The following WNT9B variants were observed in gnomAD, a reference collection of about 807,000 sequenced individuals.
WNT9B encodes Wnt family member 9B.
Under a neutral mutation model 30.2 loss-of-function variants are expected in WNT9B, and 12 were observed. That is an observed-to-expected ratio of 0.40 (90% CI 0.26 to 0.64). The LOEUF (loss-of-function observed/expected upper bound fraction) is 0.64, where lower values mean the gene tolerates loss of function less well. WNT9B is among the 30% of genes least tolerant of loss of function. The pLI is 0.42. For synonymous variants in WNT9B, 218 were observed against 216.9 expected (o/e 1.01, Z -0.05); for missense variants, 442 against 485.2 (o/e 0.91, Z 0.84).
At chr17:46,839,968 C>T (rs538125674) in intron 1 of WNT9B, among the ~76,000 whole-genome samples, 31 of 136,864 alleles carry the variant, frequency 2.3e-4, no homozygotes, top group South Asian at 4.6e-4. Context: ...TTCTTTCTTT[C>T]TTTCTTTCTC....
chr17:46,846,250 T>A (rs1000605524), intron 1 of WNT9B, among the ~76,000 whole-genome samples: 3 of 152,166 alleles, frequency 2.0e-5, no homozygotes, highest in Non-Finnish European at 4.4e-5. Flanking sequence ...AGAGGCAGGG[T>A]TTGTAGCCAT....
At chr17:46,849,849 C>A (rs1430224382), upstream of WNT9B, among the ~76,000 whole-genome samples, 2 of 145,750 alleles carry the variant, frequency 1.4e-5, no homozygotes, top group Non-Finnish European at 3.0e-5. Flanking sequence ...CATTTAATAT[C>A]TTTTTTTTTT....
exon 5 of WNT9B, chr17:46,886,286 C>A (rs1023360713): frequency 3.9e-5 from 6 of 152,194 alleles, no homozygotes; most frequent in African/African-American, 9.7e-5. Flanking sequence ...AGGCATAAAC[C>A]TATATCAATT....
intron 1 of WNT9B, among the ~76,000 whole-genome samples, chr17:46,858,340 G>A (rs1327792489): frequency 6.6e-6 from 1 of 152,132 alleles, no homozygotes; most frequent in Admixed American, 6.6e-5. Flanking sequence ...AAGAACAGAT[G>A]TTTTTAATTT....
chr17:46,836,773 G>A (rs749845576), intron 1 of WNT9B, among the ~76,000 whole-genome samples: 1 of 152,122 alleles, frequency 6.6e-6, no homozygotes, highest in Non-Finnish European at 1.5e-5. Flanking sequence ...AAGCCACCAG[G>A]TGACCTGTGT....
chr17:46,862,823 A>G (rs1454934990), intron 1 of WNT9B, among the ~76,000 whole-genome samples: 1 of 152,148 alleles, frequency 6.6e-6, no homozygotes, highest in Non-Finnish European at 1.5e-5. Flanking sequence ...ATCTCAAGTG[A>G]TCCGCCCGCC....
At chr17:46,846,842 G>T (rs2084781153), upstream of WNT9B, among the ~76,000 whole-genome samples, 1 of 152,222 alleles carries the variant, frequency 6.6e-6, no homozygotes, top group African/African-American at 2.4e-5. Context: ...GTGCCATGGG[G>T]AGTGGTGAGC....
At position 46,876,676 on chromosome 17, in the gene WNT9B, G is replaced by A. The variant is rs1297729463; in HGVS notation, c.1032G>A (p.Gln344=). 2 of 1,588,334 alleles carry A rather than the reference G, an allele frequency of 1.3e-6. No homozygotes were observed. Among genetic ancestry groups the A allele is most frequent in the Non-Finnish European group, 1.7e-6 (2 of 1,164,252 alleles). The part of the protein sequence containing the change: ...QVQWCCYVEC[Q]QCVQEELVYT... Reference sequence around the variant, plus strand: ...AGTGGTGCTGCTACGTGGAGTGCCAGCAATGTGTGCAGGAGGAGCTTGTGT... The same window carrying A: ...AGTGGTGCTGCTACGTGGAGTGCCAACAATGTGTGCAGGAGGAGCTTGTGT... The change falls in exon 4 of 4, where the codon CAG becomes CAA. Residue 344 remains glutamine (Q), a synonymous_variant. Transcript: ENST00000290015.
chr17:46,851,345 G>A (rs1028277302), upstream of WNT9B, among the ~76,000 whole-genome samples: 1 of 151,666 alleles, frequency 6.6e-6, no homozygotes, highest in Non-Finnish European at 1.5e-5. This position sits in a 1 kb window ranked among gnomAD's most constrained non-coding sequence, Gnocchi z 4.3. Flanking sequence ...CCGCGACCCC[G>A]GGCGGGCGCG....
At chr17:46,835,401 C>T (rs1312010247) in intron 1 of WNT9B, among the ~76,000 whole-genome samples, 3 of 152,034 alleles carry the variant, frequency 2.0e-5, no homozygotes, top group Non-Finnish European at 4.4e-5. Context: ...TTATTAGAGA[C>T]AGGGTTTCAC....
intron 1 of WNT9B, among the ~76,000 whole-genome samples, chr17:46,860,823 G>A (rs1240049674): frequency 2.0e-5 from 3 of 152,150 alleles, no homozygotes; most frequent in South Asian, 2.1e-4. Flanking sequence ...CAGGAGGTAG[G>A]TGCTGATATA....
chr17:46,843,162 A>G (rs556593153), intron 1 of WNT9B, among the ~76,000 whole-genome samples: 4 of 152,386 alleles, frequency 2.6e-5, no homozygotes, highest in African/African-American at 9.6e-5. Context: ...AGATATTAAT[A>G]TCGGAGCTGG....
In WNT9B at chr17:46,833,935, C is replaced by T. The variant is rs182081030; in HGVS notation, c.95+495C>T. Among the ~76,000 whole-genome samples the T allele has an allele frequency of 5.3e-5, 8 of 152,252 alleles. No homozygotes were observed. The East Asian group carries it at 1.5e-3, about 29-fold the overall frequency. On this transcript the variant is annotated intron_variant, in intron 1 of 2. Transcript: ENST00000575372. ...TCCCAGGTATCAAGAATGGCTCATACCTGTAATCCCAGCATCTTGGGAGTC... is the reference window on the plus strand; with the variant it reads ...TCCCAGGTATCAAGAATGGCTCATATCTGTAATCCCAGCATCTTGGGAGTC...
In WNT9B at chr17:46,878,802, G is replaced by A. The variant is rs1254391014; in HGVS notation, c.*2084G>A. Among the ~76,000 whole-genome samples the A allele has an allele frequency of 6.6e-6, 1 of 152,214 alleles. No homozygotes were observed. Among genetic ancestry groups the A allele is most frequent in the African/African-American group, 2.4e-5 (1 of 41,458 alleles). ...CTTCATGGCTGGCAGTGCCAGGGTC[G>A]TGGGAGGGCAAAGGGCAGGCTCTAA... On this transcript the variant is annotated 3_prime_UTR_variant, in exon 4 of 4. Coordinates refer to ENST00000290015, the MANE Select transcript of WNT9B (RefSeq NM_003396.3).
At chr17:46,864,687 C>T (rs1305088139) in intron 1 of WNT9B, among the ~76,000 whole-genome samples, 1 of 152,102 alleles carries the variant, frequency 6.6e-6, no homozygotes, top group Non-Finnish European at 1.5e-5. Flanking sequence ...ATTTGGCTTC[C>T]CTGATGTGCT....
chr17:46,864,274 G>A (rs1012677519), intron 1 of WNT9B, among the ~76,000 whole-genome samples: 16 of 152,132 alleles, frequency 1.1e-4, no homozygotes, highest in African/African-American at 3.9e-4. Context: ...CCAGGAGTGC[G>A]GTTTCAGCCA....
At chr17:46,871,322 T>C (rs1384322369) in intron 1 of WNT9B, among the ~76,000 whole-genome samples, 2 of 152,124 alleles carry the variant, frequency 1.3e-5, no homozygotes, top group Non-Finnish European at 2.9e-5. Flanking sequence ...CACCAGGATA[T>C]AGGACAGCAA....
intron 2 of WNT9B, among the ~76,000 whole-genome samples, chr17:46,874,190 G>A (rs906238144): frequency 6.6e-6 from 1 of 152,148 alleles, no homozygotes; most frequent in Non-Finnish European, 1.5e-5. Context: ...ACCCAGCAGA[G>A]AGGAGTGTCG....
intron 1 of WNT9B, among the ~76,000 whole-genome samples, chr17:46,835,805 C>A (rs1156811440): frequency 6.6e-6 from 1 of 152,138 alleles, no homozygotes; most frequent in East Asian, 1.9e-4. Context: ...GGGCCTGCGC[C>A]CCCTCAGCCC....
Sources: allele counts gnomAD v4.1 joint callset (sites outside exome capture counted in the v4.1 genomes callset), GRCh38; gene constraint gnomAD v4.1.1; non-coding constraint Gnocchi (gnomAD v3.1); transcripts MANE v1.5; gene names NCBI Gene and HGNC (gene_info 2026-07-23, HGNC 2026-07-21).